GLS: variants seen among roughly 807,000 people sequenced by gnomAD.
GLS encodes glutaminase kidney isoform, mitochondrial.
GLS carries 36 observed loss-of-function variants against 86.7 expected under a neutral mutation model. The ratio of observed to expected loss-of-function variants is 0.42; its 90% CI spans 0.32 to 0.55. The LOEUF is 0.55. GLS is among the 20% of genes least tolerant of loss of function. The pLI is 0.17. For missense variants in GLS, 528 were observed against 833.4 expected (o/e 0.63, Z 4.51); for synonymous variants, 317 against 305.9 (o/e 1.04, Z -0.38).
At chr2:190,884,314 G>T (rs558942774) in intron 1 of GLS, among the ~76,000 whole-genome samples, 27 of 152,102 alleles carry the variant, frequency 1.8e-4, no homozygotes, top group African/African-American at 6.3e-4. Flanking sequence ...TCTTAAATTT[G>T]TCGCCACATA....
At chr2:190,950,142 G>T (rs1242857964) in intron 14 of GLS, among the ~76,000 whole-genome samples, 1 of 152,050 alleles carries the variant, frequency 6.6e-6, no homozygotes, top group Non-Finnish European at 1.5e-5. Flanking sequence ...CCTGGGGAAA[G>T]AGCATCTCTA....
In GLS at chr2:190,881,485, G is replaced by T. The variant is rs780929751; in HGVS notation, c.386+15G>T. The T allele has an allele frequency of 4.6e-6, 7 of 1,535,514 alleles. No individual in the cohort carries two copies. The highest frequency in any genetic ancestry group is 5.3e-6 in the Non-Finnish European group (6 of 1,139,950). ...TCAGGTGAAAAGTGAGTGTCTCCGC[G>T]AGGCGCAGGAGGCCTCGTTCCTTTC... On this transcript the variant is annotated intron_variant, in intron 1 of 17. Coordinates refer to ENST00000320717, the MANE Select transcript of GLS (RefSeq NM_014905.5).
intron 14 of GLS, among the ~76,000 whole-genome samples, chr2:190,950,684 A>G (rs1690697502): frequency 6.6e-6 from 1 of 152,100 alleles, no homozygotes; most frequent in South Asian, 2.1e-4. Context: ...GTGGGCTGGT[A>G]ACCCGTGTTG....
chr2:190,911,126 G>A (rs1042759816), intron 7 of GLS, among the ~76,000 whole-genome samples: 9 of 151,258 alleles, frequency 6.0e-5, no homozygotes, highest in Non-Finnish European at 1.2e-4. Context: ...TGGAACATTT[G>A]TATACTTCTT....
intron 14 of GLS, chr2:190,934,605 G>C: frequency 1.0e-6 from 1 of 984,372 alleles, no homozygotes; most frequent in Non-Finnish European, 1.2e-6. Context: ...AAGGCATTGT[G>C]GTTTCCCCTA....
In GLS at chr2:190,962,027, A is replaced by G. The variant is rs1027420009; in HGVS notation, c.1854-803A>G. 7.2e-5 allele frequency among the ~76,000 whole-genome samples: 11 copies of G among 152,138 alleles called. No homozygotes were observed. The highest frequency in any genetic ancestry group is 1.9e-4 in the African/African-American group (8 of 41,398). ...ACAGTTTGTAAAGTGTAAGGGAACT[A>G]CCCATCGTACCCTGTCATTGACTAG... is the stretch of plus-strand genomic sequence containing the variant. On this transcript the variant is annotated intron_variant, in intron 17 of 17. Coordinates refer to ENST00000320717, the MANE Select transcript of GLS (RefSeq NM_014905.5). The surrounding 1 kb of genome is among the most constrained non-coding windows in gnomAD (Gnocchi z 4.2).
At chr2:190,885,951 C>T (rs568675023) in intron 1 of GLS, among the ~76,000 whole-genome samples, 1 of 152,050 alleles carries the variant, frequency 6.6e-6, no homozygotes, top group South Asian at 2.1e-4. Flanking sequence ...CAGCTCAATG[C>T]AACCTCTGCC....
At chr2:190,942,231 C>T (rs946487888) in intron 14 of GLS, among the ~76,000 whole-genome samples, 12 of 151,666 alleles carry the variant, frequency 7.9e-5, no homozygotes, top group Non-Finnish European at 1.2e-4. Context: ...AGGGGCCTGC[C>T]TCCACGCCTG....
intron 1 of GLS, among the ~76,000 whole-genome samples, chr2:190,889,382 T>C (rs1240008894): frequency 6.6e-6 from 1 of 152,220 alleles, no homozygotes; most frequent in Non-Finnish European, 1.5e-5. Context: ...CATCTCTACC[T>C]GAATACTGCC....
At chr2:190,894,397 T>C (rs774583742) in intron 1 of GLS, among the ~76,000 whole-genome samples, 2 of 152,168 alleles carry the variant, frequency 1.3e-5, no homozygotes, top group Non-Finnish European at 2.9e-5. Context: ...GTTGAATCTA[T>C]GGATGCAAAG....
intron 14 of GLS, among the ~76,000 whole-genome samples, chr2:190,941,767 G>A (rs946485168): frequency 6.6e-6 from 1 of 152,130 alleles, no homozygotes; most frequent in African/African-American, 2.4e-5. Flanking sequence ...AGTGAGGTGA[G>A]GTGGATGGAG....
At chr2:190,934,685 T>C in intron 14 of GLS, 1 of 972,238 alleles carries the variant, frequency 1.0e-6, no homozygotes, top group South Asian at 4.8e-5. Context: ...AAGATTTAGT[T>C]TTCATATCGT....
chr2:190,941,104 C>T (rs1030923122), intron 14 of GLS, among the ~76,000 whole-genome samples: 1 of 152,062 alleles, frequency 6.6e-6, no homozygotes, highest in African/African-American at 2.4e-5. Context: ...TTATTTCTTG[C>T]CTAATATGTG....
In GLS at chr2:190,924,772, G is replaced by A. The variant is rs934912395; in HGVS notation, c.1248+179G>A. 7.9e-6 allele frequency: 4 copies of A among 503,674 alleles called. No individual in the cohort carries two copies. The highest frequency in any genetic ancestry group is 3.9e-5 in the African/African-American group (2 of 51,038). The allele number at this position is 503,674 out of a possible 1,614,324, so 31.2% of individuals were successfully genotyped here. A position where few individuals can be genotyped will look rare whatever the true frequency, so the allele number is the denominator to read the frequency against. ...TCTACTAAAAATACAAAAATTATTC[G>A]GGTGTGGTAGTGTGTGCCTGTAGTC... On this transcript the variant is annotated intron_variant, in intron 11 of 17. Transcript: ENST00000320717. The surrounding 1 kb of genome is among the most constrained non-coding windows in gnomAD (Gnocchi z 5.2).
chr2:190,932,669 T>C, intron 14 of GLS: 2 of 1,411,102 alleles, frequency 1.4e-6, no homozygotes, highest in South Asian at 1.7e-5. Context: ...TGGACCTTTC[T>C]TCACTCAAGT....
chr2:190,900,537 TATTA>T (rs759364914), intron 3 of GLS, 23 bp from the exon 4 acceptor site: 44 of 1,426,664 alleles, frequency 3.1e-5, no homozygotes, highest in South Asian at 1.2e-4. Context: ...GTACCCAGTT[TATTA>T]ATTATCTTTT....
Position 190,913,540 on chromosome 2 carries a change from T to C in GLS, c.1038+3219T>C, listed in dbSNP as rs1346943857. The C allele has an allele frequency of 1.0e-6, 1 of 966,280 alleles. No individual in the cohort carries two copies. The highest frequency in any genetic ancestry group is 1.8e-5 in the African/African-American group (1 of 56,840). 59.9% of individuals were successfully genotyped at this position (966,280 alleles called of 1,614,324 possible). ...ATTGTGATAATGTGTGATTGCTTGATTAAAAGGAAAGAACAAAAATAAATT... is the reference window on the plus strand; with the variant it reads ...ATTGTGATAATGTGTGATTGCTTGACTAAAAGGAAAGAACAAAAATAAATT... On this transcript the variant is annotated intron_variant, in intron 7 of 17. Transcript: ENST00000320717. This position sits in a 1 kb window ranked among gnomAD's most constrained non-coding sequence, Gnocchi z 6.1.
rs191026423 is a variant in GLS at position 190,896,829 on chromosome 2, C to A, written c.605+1104C>A. 2.0e-5 allele frequency among the ~76,000 whole-genome samples: 3 copies of A among 152,210 alleles called. No homozygotes were observed. The East Asian group carries it at 5.8e-4, about 29-fold the overall frequency. ...TGCTTTTTAAGAGACAGAAAAACATCATTTCTAAATTTATTTGTGTCTTTG... is the reference window on the plus strand; with the variant it reads ...TGCTTTTTAAGAGACAGAAAAACATAATTTCTAAATTTATTTGTGTCTTTG... On this transcript the variant is annotated intron_variant, in intron 3 of 17. Coordinates refer to ENST00000320717, the MANE Select transcript of GLS (RefSeq NM_014905.5).
intron 1 of GLS, among the ~76,000 whole-genome samples, chr2:190,884,242 C>T (rs1050418750): frequency 1.3e-5 from 2 of 152,206 alleles, no homozygotes; most frequent in African/African-American, 4.8e-5. Context: ...CGTATCCCTT[C>T]TTTCAGCTTT....
Sources: allele counts gnomAD v4.1 joint callset (sites outside exome capture counted in the v4.1 genomes callset), GRCh38; gene constraint gnomAD v4.1.1; non-coding constraint Gnocchi (gnomAD v3.1); transcripts MANE v1.5; gene names NCBI Gene and HGNC (gene_info 2026-07-23, HGNC 2026-07-21).